DPP10: variants seen among roughly 807,000 people sequenced by gnomAD.
DPP10 encodes dipeptidyl peptidase like 10.
DPP10 carries 33 observed loss-of-function variants against 120.9 expected under a neutral mutation model. The ratio of observed to expected loss-of-function variants is 0.27; its 90% confidence interval spans 0.21 to 0.37. The LOEUF (loss-of-function observed/expected upper bound fraction) is 0.37, where lower values mean the gene tolerates loss of function less well. DPP10 is among the 10% of genes least tolerant of loss of function. The probability of loss-of-function intolerance (pLI) is 1.00; values close to 1 mark genes in which losing one functional copy is unlikely to be tolerated. For synonymous variants in DPP10, 337 were observed against 326.1 expected (o/e 1.03, Z -0.36); for missense variants, 816 against 942.8 (o/e 0.87, Z 1.76).
intron 1 of DPP10, among the ~76,000 whole-genome samples, chr2:115,053,732 G>A (rs569754129): frequency 5.8e-4 from 88 of 152,246 alleles, no homozygotes; most frequent in African/African-American, 1.9e-3. Context: ...TCTATGTGAG[G>A]TTTGTTTGAT....
At chr2:115,168,208 T>A (rs761461914) in intron 1 of DPP10, among the ~76,000 whole-genome samples, 24 of 152,154 alleles carry the variant, frequency 1.6e-4, no homozygotes, top group Non-Finnish European at 8.8e-5. Flanking sequence ...TAAACACACA[T>A]GTATGCTCCA....
At chr2:115,371,412 TA>T (rs376833909) in intron 3 of DPP10, among the ~76,000 whole-genome samples, 1 of 152,170 alleles carries the variant, frequency 6.6e-6, no homozygotes, top group African/African-American at 2.4e-5. Context: ...GGCTTTTCAA[TA>T]AAATACGTGA....
intron 3 of DPP10, among the ~76,000 whole-genome samples, chr2:115,351,418 G>T (rs1476292837): frequency 6.6e-6 from 1 of 151,964 alleles, no homozygotes; most frequent in Non-Finnish European, 1.5e-5. Flanking sequence ...TTCCTTTTGG[G>T]TACTACGTTC....
intron 5 of DPP10, among the ~76,000 whole-genome samples, chr2:115,555,744 A>G (rs905079200): frequency 2.0e-5 from 3 of 152,038 alleles, no homozygotes; most frequent in Non-Finnish European, 4.4e-5. Context: ...CCTTTTTTCT[A>G]TCTAAAGATG....
chr2:114,740,033 T>C (rs1271604146), intron 1 of DPP10, among the ~76,000 whole-genome samples: 1 of 151,984 alleles, frequency 6.6e-6, no homozygotes, highest in Non-Finnish European at 1.5e-5. Context: ...CTATAAATCA[T>C]GCTGCTATAA....
At chr2:114,706,958 A>G (rs1700722828) in intron 1 of DPP10, among the ~76,000 whole-genome samples, 1 of 152,140 alleles carries the variant, frequency 6.6e-6, no homozygotes, top group Non-Finnish European at 1.5e-5. Flanking sequence ...TTTTTCTAAT[A>G]TTGGGCATAT....
At chr2:115,616,382 A>G (rs935141579) in intron 5 of DPP10, among the ~76,000 whole-genome samples, 18 of 151,698 alleles carry the variant, frequency 1.2e-4, no homozygotes, top group African/African-American at 2.9e-4. Flanking sequence ...CCTCGCAACC[A>G]TGGTTATGCC....
At chr2:114,869,267 G>A (rs563748919) in intron 1 of DPP10, among the ~76,000 whole-genome samples, 2 of 152,060 alleles carry the variant, frequency 1.3e-5, no homozygotes, top group African/African-American at 2.4e-5. Flanking sequence ...GAGCATATAC[G>A]ATACTTAATT....
chr2:115,381,736 G>T (rs2066380378), intron 3 of DPP10, among the ~76,000 whole-genome samples: 1 of 152,092 alleles, frequency 6.6e-6, no homozygotes, highest in Non-Finnish European at 1.5e-5. Flanking sequence ...TTTTTGGTGT[G>T]GATGTCCTTT....
At chr2:115,563,155 C>A (rs1276178292) in intron 5 of DPP10, among the ~76,000 whole-genome samples, 1 of 152,198 alleles carries the variant, frequency 6.6e-6, no homozygotes, top group Non-Finnish European at 1.5e-5. Flanking sequence ...TAGCCAAGTG[C>A]ACTGTGACAT....
At chr2:114,468,481 A>C (rs1679621245) in intron 1 of DPP10, among the ~76,000 whole-genome samples, 1 of 152,026 alleles carries the variant, frequency 6.6e-6, no homozygotes, top group African/African-American at 2.4e-5. Context: ...TAGCTATCCA[A>C]AGGTTCATTT....
intron 1 of DPP10, among the ~76,000 whole-genome samples, chr2:114,838,828 C>T (rs955222564): frequency 6.6e-6 from 1 of 152,114 alleles, no homozygotes; most frequent in Non-Finnish European, 1.5e-5. Context: ...CTTTTCCACA[C>T]CATTTACCTC....
chr2:115,058,586 G>A (rs1706133187), intron 1 of DPP10, among the ~76,000 whole-genome samples: 1 of 152,094 alleles, frequency 6.6e-6, no homozygotes, highest in Admixed American at 6.5e-5. Flanking sequence ...TTTGAGTACA[G>A]ACGGGGTTTC....
chr2:114,977,027 C>G (rs1004119843), intron 1 of DPP10, among the ~76,000 whole-genome samples: 1 of 152,056 alleles, frequency 6.6e-6, no homozygotes, highest in Non-Finnish European at 1.5e-5. Context: ...AGTCAAGAAT[C>G]CTACTTTGTT....
At position 114,538,477 on chromosome 2, in the gene DPP10, TA is replaced by T. The variant is rs538004530; in HGVS notation, c.60+95645del. Among the ~76,000 whole-genome samples, 495 of 152,234 alleles carry T rather than the reference TA, an allele frequency of 3.3e-3. 4 individuals are homozygous for T. The highest frequency in any genetic ancestry group is 0.011 in the African/African-American group (476 of 41,550). ...GTTAACAACAAAGCTGAGACTGGAA[TA>T]AAAAAGCCAATAGGACTAGTTTCTA... On this transcript the variant is annotated intron_variant, in intron 1 of 25. Transcript: ENST00000410059.
intron 1 of DPP10, among the ~76,000 whole-genome samples, chr2:115,131,265 C>T (rs183839901): frequency 2.6e-5 from 4 of 152,244 alleles, no homozygotes; most frequent in East Asian, 3.9e-4. Context: ...CTGTAATCCC[C>T]GAACTTTGGG....
At chr2:115,674,022 A>C (rs2149450061) in intron 5 of DPP10, among the ~76,000 whole-genome samples, 1 of 152,074 alleles carries the variant, frequency 6.6e-6, no homozygotes, top group African/African-American at 2.4e-5. Context: ...GACCAGCCTG[A>C]CCAACAAGGA....
chr2:114,739,839 C>T (rs1677848717), intron 1 of DPP10, among the ~76,000 whole-genome samples: 1 of 152,106 alleles, frequency 6.6e-6, no homozygotes, highest in Non-Finnish European at 1.5e-5. Context: ...CCCAGTCTAA[C>T]TCAATCAGAC....
intron 1 of DPP10, among the ~76,000 whole-genome samples, chr2:114,783,560 G>A (rs2106204473): frequency 6.6e-6 from 1 of 152,214 alleles, no homozygotes; most frequent in South Asian, 2.1e-4. Context: ...CCATCTGCCT[G>A]GCATGGTGGC....
Sources: allele counts gnomAD v4.1 joint callset (sites outside exome capture counted in the v4.1 genomes callset), GRCh38; gene constraint gnomAD v4.1.1; transcripts MANE v1.5; gene names NCBI Gene and HGNC (gene_info 2026-07-23, HGNC 2026-07-21).